LARGE1: variants seen among roughly 807,000 people sequenced by gnomAD.
The protein encoded by LARGE1 is xylosyl- and glucuronyltransferase LARGE1.
A neutral mutation model predicts 87.6 loss-of-function variants in LARGE1; 43 were observed. The ratio of observed to expected loss-of-function variants is 0.49; its 90% CI spans 0.38 to 0.63. The LOEUF (loss-of-function observed/expected upper bound fraction) is 0.63. LARGE1 is among the 30% of genes least tolerant of loss of function. LARGE1 has a pLI of 0.00. For missense variants in LARGE1, 802 were observed against 1,000.2 expected, an observed-to-expected ratio of 0.80 and a Z score of 2.67; for synonymous variants, 434 against 394.6, an observed-to-expected ratio of 1.10 and a Z score of -1.18.
intron 1 of LARGE1, among the ~76,000 whole-genome samples, chr22:33,815,882 T>C (rs557116227): frequency 6.6e-6 from 1 of 152,192 alleles, no homozygotes; most frequent in East Asian, 1.9e-4. Flanking sequence ...AGAGGTGCCG[T>C]GGAAGTAAGA....
chr22:33,513,471 G>T (rs1292184933), intron 6 of LARGE1, among the ~76,000 whole-genome samples: 4 of 152,044 alleles, frequency 2.6e-5, no homozygotes, highest in Non-Finnish European at 5.9e-5. Context: ...TATGGCCAGG[G>T]TCCTGAATCT....
intron 2 of LARGE1, among the ~76,000 whole-genome samples, chr22:33,660,498 T>C (rs1276122977): frequency 6.6e-6 from 1 of 152,236 alleles, no homozygotes; most frequent in Non-Finnish European, 1.5e-5. Flanking sequence ...CCAGTCATCT[T>C]TGAAGAGCCT....
At chr22:33,765,458 C>T (rs954422631) in intron 1 of LARGE1, among the ~76,000 whole-genome samples, 1 of 152,068 alleles carries the variant, frequency 6.6e-6, no homozygotes, top group Admixed American at 6.5e-5. Context: ...AATCCCAGCA[C>T]TTTGGCAGGC....
At chr22:33,182,853 A>G (rs996138567) in intron 11 of LARGE1, among the ~76,000 whole-genome samples, 1 of 152,210 alleles carries the variant, frequency 6.6e-6, no homozygotes, top group African/African-American at 2.4e-5. Flanking sequence ...CTGAAACCAT[A>G]AAATGCCTAG....
chr22:33,398,726 T>G (rs117682183), intron 7 of LARGE1, among the ~76,000 whole-genome samples: 2 of 152,144 alleles, frequency 1.3e-5, no homozygotes, highest in Non-Finnish European at 2.9e-5. Context: ...TCATAGTGGA[T>G]TAGAGTAGAC....
chr22:33,626,195 G>T, intron 4 of LARGE1, 49 bp downstream of exon 4: 1 of 1,497,150 alleles, frequency 6.7e-7, no homozygotes, highest in Non-Finnish European at 9.3e-7. Context: ...GAAATACACA[G>T]GCAGGCAGTG....
intron 10 of LARGE1, among the ~76,000 whole-genome samples, chr22:33,327,414 A>G (rs1406228242): frequency 1.3e-5 from 2 of 152,206 alleles, no homozygotes; most frequent in African/African-American, 4.8e-5. Flanking sequence ...AATACTCGTA[A>G]CAATAACTGC....
At chr22:33,864,026 G>A (rs1408240166) in intron 1 of LARGE1, among the ~76,000 whole-genome samples, 1 of 152,210 alleles carries the variant, frequency 6.6e-6, no homozygotes, top group African/African-American at 2.4e-5. Context: ...AAGCATCACA[G>A]AAGTTCCAAC....
rs1296714010 is a variant in LARGE1, at chr22:33,572,529, G to C, written c.616-7510C>G. 3.3e-5 allele frequency among the ~76,000 whole-genome samples: 5 copies of C among 152,312 alleles called. No individual in the cohort carries two copies. In the East Asian group the frequency reaches 7.7e-4, roughly 24 times the overall value. On this transcript the variant is annotated intron_variant, in intron 5 of 14. Coordinates refer to ENST00000397394, the MANE Select transcript of LARGE1 (RefSeq NM_133642.5). ...TACACATTGCATGAGGTTTGAAAAA[G>C]CATTAAATGAGGTAGGAGAGTCAAA...
intron 6 of LARGE1, among the ~76,000 whole-genome samples, chr22:33,483,544 T>C (rs1010080978): frequency 8.5e-5 from 13 of 152,102 alleles, no homozygotes; most frequent in Admixed American, 5.2e-4. Context: ...AGGTTAAAGA[T>C]GGTCAAACAG....
chr22:33,324,261 C>CAAAAA (rs150205490), intron 10 of LARGE1, among the ~76,000 whole-genome samples: 7 of 94,676 alleles, frequency 7.4e-5, no homozygotes, highest in African/African-American at 1.3e-4. Context: ...AAAAAAAAGC[C>CAAAAA]AAAAAAACAA....
At chr22:33,847,990 T>C (rs752328467) in intron 1 of LARGE1, among the ~76,000 whole-genome samples, 26 of 152,210 alleles carry the variant, frequency 1.7e-4, no homozygotes, top group South Asian at 1.2e-3. Context: ...TGTTTCAACG[T>C]TGCCAGAGTC....
At chr22:33,738,628 G>A (rs769443212) in intron 2 of LARGE1, among the ~76,000 whole-genome samples, 1 of 152,114 alleles carries the variant, frequency 6.6e-6, no homozygotes, top group African/African-American at 2.4e-5. Flanking sequence ...CGGAGGCCGA[G>A]GCAGGTGGAT....
At chr22:33,386,528 A>G (rs993744954) in intron 7 of LARGE1, among the ~76,000 whole-genome samples, 4 of 148,566 alleles carry the variant, frequency 2.7e-5, no homozygotes, top group South Asian at 2.4e-4. Context: ...TCTCTGGGGG[A>G]AAAAAACGGC....
At chr22:33,324,005 G>C (rs146105822) in intron 10 of LARGE1, among the ~76,000 whole-genome samples, 7,023 of 152,068 alleles carry the variant, frequency 0.046, 281 homozygotes, top group African/African-American at 0.12. Context: ...GCTGAGGCGG[G>C]TGGATCACCT....
rs567998643 is a variant in LARGE1, at chr22:33,650,559, C to A, written c.216G>T (p.Val72=). 4 of 1,608,494 alleles carry A rather than the reference C, an allele frequency of 2.5e-6. No individual in the cohort carries two copies. In the African/African-American group the frequency reaches 5.3e-5, roughly 21 times the overall value. ...TGCGGAGGGCGCGGTTCTCCTCCTC[C>A]ACCTCGCGCATGCGCACCTCCAGGC... ...RESLEVRMRE[V]EEENRALRRQ... is the part of the protein sequence containing the mutation. The change falls in exon 3 of 15, where the codon GTG becomes GTT. Residue 72 remains valine (V), a synonymous_variant. Coordinates refer to ENST00000397394, the MANE Select transcript of LARGE1 (RefSeq NM_133642.5).
chr22:33,352,988 C>T (rs559731955), intron 9 of LARGE1, among the ~76,000 whole-genome samples: 10 of 152,098 alleles, frequency 6.6e-5, no homozygotes, highest in Middle Eastern at 3.2e-3. Flanking sequence ...ACTTCTGTTC[C>T]CAGTATAAGC....
At chr22:33,908,531 T>G (rs1022434228) in intron 1 of LARGE1, among the ~76,000 whole-genome samples, 11 of 119,712 alleles carry the variant, frequency 9.2e-5, no homozygotes, top group African/African-American at 1.3e-4. Context: ...AGATTGATGA[T>G]GCATGAAATG....
At chr22:33,451,331 G>T (rs760544326) in intron 6 of LARGE1, among the ~76,000 whole-genome samples, 1 of 151,000 alleles carries the variant, frequency 6.6e-6, no homozygotes, top group Non-Finnish European at 1.5e-5. Context: ...AGAAAAGAAC[G>T]CTCAGCTGCC....
Sources: gnomAD v4.1 joint callset for allele counts (sites outside exome capture counted in the v4.1 genomes callset) on GRCh38, gnomAD v4.1.1 for gene constraint, MANE v1.5 for transcripts, NCBI Gene and HGNC (gene_info 2026-07-23, HGNC 2026-07-21) for gene names.